Variants in SEZ6L observed in about 807,000 individuals in gnomAD.
The protein encoded by SEZ6L is seizure 6-like protein.
In SEZ6L, 37 loss-of-function variants were observed where a neutral mutation model predicts 106.2. The ratio of observed to expected loss-of-function variants is 0.35; its 90% CI spans 0.27 to 0.46. SEZ6L has a LOEUF of 0.46. SEZ6L is among the 20% of genes least tolerant of loss of function. SEZ6L has a pLI of 1.00. For missense variants in SEZ6L, 1,172 were observed against 1,332.8 expected (o/e 0.88, Z 1.88); for synonymous variants, 541 against 570.4 (o/e 0.95, Z 0.73).
intron 1 of SEZ6L, among the ~76,000 whole-genome samples, chr22:26,208,841 ACTCTCT>A (rs202119093): frequency 2.8e-5 from 2 of 72,608 alleles, no homozygotes; most frequent in Non-Finnish European, 6.1e-5. Context: ...CTACTTCTTG[ACTCTCT>A]CTCTGTGTGT....
chr22:26,305,775 T>A (rs998883102), intron 5 of SEZ6L, among the ~76,000 whole-genome samples: 1 of 152,174 alleles, frequency 6.6e-6, no homozygotes, highest in African/African-American at 2.4e-5. Flanking sequence ...CCAGGAGAAG[T>A]CCCTTCCAAG....
intron 1 of SEZ6L, among the ~76,000 whole-genome samples, chr22:26,265,740 A>G (rs1357947909): frequency 6.6e-6 from 1 of 152,176 alleles, no homozygotes; most frequent in African/African-American, 2.4e-5. Flanking sequence ...AAACCAGGTC[A>G]TTCTCTCTTC....
chr22:26,327,216 C>A (rs901472010), intron 9 of SEZ6L, among the ~76,000 whole-genome samples: 1 of 70,842 alleles, frequency 1.4e-5, no homozygotes, highest in Non-Finnish European at 2.6e-5. Context: ...GTATATACCA[C>A]ACACCACACA....
intron 1 of SEZ6L, among the ~76,000 whole-genome samples, chr22:26,287,283 T>C (rs866689960): frequency 6.6e-6 from 1 of 152,116 alleles, no homozygotes; most frequent in Admixed American, 6.5e-5. Flanking sequence ...ATCTCTGTAG[T>C]TGATTATCAG....
intron 1 of SEZ6L, among the ~76,000 whole-genome samples, chr22:26,247,559 C>T (rs1042287355): frequency 6.6e-5 from 10 of 152,022 alleles, no homozygotes; most frequent in Non-Finnish European, 1.3e-4. Context: ...AACTGCAAGC[C>T]GAGGAACACC....
At chr22:26,190,238 A>G (rs1204844328) in intron 1 of SEZ6L, among the ~76,000 whole-genome samples, 1 of 152,210 alleles carries the variant, frequency 6.6e-6, no homozygotes, top group African/African-American at 2.4e-5. Context: ...TGAGGTTACC[A>G]CGAAACAAAT....
rs561231136 is a variant in SEZ6L, at chr22:26,313,814, A to G, written c.1927A>G (p.Asn643Asp). ...TGTGGCTGGGGTGGTATTGTCCCCA[A>G]ACTGGCCCGAGCCCTACGTGGAAGG... ...SAVAGVVLSP[N>D]WPEPYVEGED... is the part of the protein sequence containing the mutation. The change falls in exon 9 of 17, where the codon AAC (asparagine) becomes GAC (aspartate). Residue 643 changes from asparagine (N) to aspartate (D), a missense_variant. Physicochemically the swap from Asn to Asp is conservative, Grantham distance 23. Around this residue, in one of 4 missense-constraint regions of SEZ6L, gnomAD observed 534 missense variants for 691.0 expected, o/e 0.77. Transcript: ENST00000248933. 5.0e-6 allele frequency: 8 copies of G among 1,613,408 alleles called. No individual in the cohort carries two copies. In the African/African-American group the frequency reaches 5.3e-5, roughly 11 times the overall value.
chr22:26,345,755 T>C (rs1241399411), intron 10 of SEZ6L, among the ~76,000 whole-genome samples: 1 of 152,198 alleles, frequency 6.6e-6, no homozygotes. Flanking sequence ...CAGAAGCACA[T>C]AAGAACTGCA....
chr22:26,234,700 C>T (rs2078905003), intron 1 of SEZ6L, among the ~76,000 whole-genome samples: 1 of 152,218 alleles, frequency 6.6e-6, no homozygotes, highest in Non-Finnish European at 1.5e-5. Flanking sequence ...AGCTCATTTT[C>T]CCAAACATTT....
At chr22:26,376,260 G>C (rs546636038) in intron 15 of SEZ6L, among the ~76,000 whole-genome samples, 36 of 152,150 alleles carry the variant, frequency 2.4e-4, no homozygotes, top group African/African-American at 8.4e-4. Context: ...GTTCTAACAA[G>C]GAAAGATAGA....
Position 26,340,646 on chromosome 22 carries a change from C to T in SEZ6L, c.2212+14C>T. 4 of 1,594,926 alleles carry T rather than the reference C, an allele frequency of 2.5e-6. No homozygotes were observed. The highest frequency in any genetic ancestry group is 3.4e-6 in the Non-Finnish European group (4 of 1,170,172). On this transcript the variant is annotated intron_variant, in intron 10 of 16. Coordinates refer to ENST00000248933, the MANE Select transcript of SEZ6L (RefSeq NM_021115.5). ...TGAACTACATAGGTAGGTGTCTCAT[C>T]TGGTCAATTTATTTTTTCTTTGTGT... is the stretch of plus-strand genomic sequence containing the variant.
At chr22:26,281,328 T>C (rs997718339) in intron 1 of SEZ6L, among the ~76,000 whole-genome samples, 1 of 151,782 alleles carries the variant, frequency 6.6e-6, no homozygotes, top group East Asian at 1.9e-4. Flanking sequence ...ATTCTCAGCC[T>C]CCAGAATTGT....
chr22:26,202,639 A>G (rs1196773292), intron 1 of SEZ6L, among the ~76,000 whole-genome samples: 2 of 152,172 alleles, frequency 1.3e-5, no homozygotes, highest in African/African-American at 4.8e-5. Context: ...CATCAATTTT[A>G]TGTCTTACTT....
At chr22:26,254,272 G>A (rs2079727104) in intron 1 of SEZ6L, among the ~76,000 whole-genome samples, 1 of 152,018 alleles carries the variant, frequency 6.6e-6, no homozygotes, top group African/African-American at 2.4e-5. Flanking sequence ...GCTTGAAGAT[G>A]GATTCAACTG....
chr22:26,339,205 C>G (rs1486630752), intron 9 of SEZ6L, among the ~76,000 whole-genome samples: 1 of 152,068 alleles, frequency 6.6e-6, no homozygotes, highest in South Asian at 2.1e-4. Flanking sequence ...TGTGACCCTT[C>G]TGAGCTCAGC....
chr22:26,237,276 T>C (rs2078983357), intron 1 of SEZ6L, among the ~76,000 whole-genome samples: 1 of 152,228 alleles, frequency 6.6e-6, no homozygotes, highest in South Asian at 2.1e-4. Flanking sequence ...CACTGCTTCA[T>C]TCCTTCAATT....
At chr22:26,380,198 T>G in intron 16 of SEZ6L, 68 bp from the exon 17 acceptor site, 2 of 1,480,568 alleles carry the variant, frequency 1.4e-6, no homozygotes, top group East Asian at 2.3e-5. Flanking sequence ...TGCAAAGAAC[T>G]GCATCCCCCT....
chr22:26,307,992 G>C (rs988773641), intron 6 of SEZ6L, among the ~76,000 whole-genome samples: 1 of 152,114 alleles, frequency 6.6e-6, no homozygotes, highest in African/African-American at 2.4e-5. Flanking sequence ...GCTTTCAAGT[G>C]TATCAGTAGG....
In SEZ6L at chr22:26,313,766, A is replaced by C. The variant is rs747470133; in HGVS notation, c.1879A>C (p.Met627Leu). 6.2e-7 allele frequency: 1 copy of C among 1,606,162 alleles called. No homozygotes were observed. Among genetic ancestry groups the C allele is most frequent in the South Asian group, 1.1e-5 (1 of 90,872 alleles). Residue 627 changes from methionine (M) to leucine (L), a missense_variant and splice_region_variant, in exon 9 of 17, where the codon ATG (methionine) becomes CTG (leucine). Around this residue, in one of 4 missense-constraint regions of SEZ6L, gnomAD observed 534 missense variants for 691.0 expected, o/e 0.77. Transcript: ENST00000248933. ...TCTTGCCTGTCTGTCTTTTACAGCC[A>C]TGTGTGGTGGGGAGCTCTCTGCTGT... ...WNDTEPLCRA[M>L]CGGELSAVAG...
Sources: allele counts gnomAD v4.1 joint callset (sites outside exome capture counted in the v4.1 genomes callset), GRCh38; gene constraint gnomAD v4.1.1; regional missense constraint gnomAD v4.1.1; transcripts MANE v1.5; gene names NCBI Gene and HGNC (gene_info 2026-07-23, HGNC 2026-07-21).